The following ACCSL variants were observed in gnomAD, a reference collection of about 807,000 sequenced individuals.
The protein encoded by ACCSL is probable inactive 1-aminocyclopropane-1-carboxylate synthase-like protein 2.
In ACCSL, 55 loss-of-function variants were observed where a neutral mutation model predicts 61.7. The ratio of observed to expected loss-of-function variants is 0.89; its 90% CI spans 0.72 to 1.12. The LOEUF (loss-of-function observed/expected upper bound fraction) is 1.12, where lower values mean the gene tolerates loss of function less well. ACCSL is among the 50% of genes most tolerant of loss of function. ACCSL has a pLI of 0.00. For synonymous variants in ACCSL, 258 were observed against 264.3 expected, an observed-to-expected ratio of 0.98 and a Z score of 0.23; for missense variants, 632 against 698.0, an observed-to-expected ratio of 0.91 and a Z score of 1.07.
At chr11:43,992,276 C>T in the ACCSL span, among the ~76,000 whole-genome samples, 1 of 152,032 alleles carries the variant, frequency 6.6e-6, no homozygotes, top group Non-Finnish European at 1.5e-5. Context: ...TGGTCTCAAA[C>T]TTCTGAGCTC....
chr11:43,940,709 C>T, the ACCSL span, among the ~76,000 whole-genome samples: 1 of 149,792 alleles, frequency 6.7e-6, no homozygotes, highest in African/African-American at 2.4e-5. Context: ...GATTGTCCCC[C>T]CTTCCCATCC....
chr11:43,983,933 T>C, the ACCSL span, among the ~76,000 whole-genome samples: 20 of 152,048 alleles, frequency 1.3e-4, no homozygotes, highest in African/African-American at 4.6e-4. Context: ...CTGGCCAACA[T>C]GGTGAAACCC....
the ACCSL span, among the ~76,000 whole-genome samples, chr11:44,039,214 G>C: frequency 6.6e-6 from 1 of 152,168 alleles, no homozygotes; most frequent in East Asian, 1.9e-4. Flanking sequence ...CCTGCCCACA[G>C]CTAATGCTTC....
At chr11:43,929,861 G>A in the ACCSL span, among the ~76,000 whole-genome samples, 1 of 152,076 alleles carries the variant, frequency 6.6e-6, no homozygotes, top group African/African-American at 2.4e-5. Context: ...TGTGGGCTTT[G>A]GGCAGGTCTT....
At chr11:43,953,597 C>T in the ACCSL span, among the ~76,000 whole-genome samples, 9 of 151,472 alleles carry the variant, frequency 5.9e-5, no homozygotes, top group African/African-American at 2.2e-4. Context: ...ATGAAAGTGA[C>T]CTCTGGGTGT....
the ACCSL span, among the ~76,000 whole-genome samples, chr11:43,934,722 T>A: frequency 6.6e-6 from 1 of 152,162 alleles, no homozygotes; most frequent in African/African-American, 2.4e-5. Flanking sequence ...CCTTCCTGCC[T>A]ACCCCCCAGG....
At chr11:43,933,415 G>T in the ACCSL span, 1 of 275,952 alleles carries the variant, frequency 3.6e-6, no homozygotes, top group Non-Finnish European at 7.4e-6. Context: ...CTTGCCGCTG[G>T]CTGTGTGACC....
At chr11:44,047,647 T>A (rs1952607260), upstream of ACCSL, among the ~76,000 whole-genome samples, 1 of 152,220 alleles carries the variant, frequency 6.6e-6, no homozygotes, top group South Asian at 2.1e-4. Flanking sequence ...TGATGGTGAT[T>A]GTTTTTGAGC....
chr11:43,955,903 T>C, the ACCSL span, among the ~76,000 whole-genome samples: 939 of 151,644 alleles, frequency 6.2e-3, 8 homozygotes, highest in African/African-American at 0.021. Flanking sequence ...CAAAATTAGC[T>C]TGGCCTCGGC....
the ACCSL span, among the ~76,000 whole-genome samples, chr11:43,966,475 C>A: frequency 6.8e-6 from 1 of 147,800 alleles, no homozygotes; most frequent in African/African-American, 2.5e-5. Context: ...TATAGAGGAG[C>A]ATTATAAAAA....
the ACCSL span, among the ~76,000 whole-genome samples, chr11:43,975,795 A>G: frequency 1.9e-4 from 29 of 152,348 alleles, no homozygotes; most frequent in African/African-American, 6.7e-4. Context: ...GCCATAAAAA[A>G]GAAAGGATGA....
chr11:43,964,487 C>G, the ACCSL span, among the ~76,000 whole-genome samples: 1 of 150,838 alleles, frequency 6.6e-6, no homozygotes, highest in Non-Finnish European at 1.5e-5. Context: ...GGTTGTTTCA[C>G]TGATAGATTT....
At chr11:43,979,333 A>T in the ACCSL span, among the ~76,000 whole-genome samples, 1 of 152,126 alleles carries the variant, frequency 6.6e-6, no homozygotes, top group African/African-American at 2.4e-5. Flanking sequence ...CCCTGTCTCA[A>T]AAAAGAAAAA....
the ACCSL span, among the ~76,000 whole-genome samples, chr11:43,952,734 C>T: frequency 6.6e-6 from 1 of 152,160 alleles, no homozygotes. Context: ...CTGAAGCTCC[C>T]GGCCAAATAA....
chr11:43,992,688 G>T, the ACCSL span, among the ~76,000 whole-genome samples: 1 of 152,226 alleles, frequency 6.6e-6, no homozygotes, highest in Non-Finnish European at 1.5e-5. Flanking sequence ...GAAAGGCATT[G>T]GCAAGTGCCA....
At chr11:43,947,938 C>T in the ACCSL span, among the ~76,000 whole-genome samples, 1 of 152,156 alleles carries the variant, frequency 6.6e-6, no homozygotes, top group Admixed American at 6.5e-5. Context: ...GATTTATAGG[C>T]CTGTCCAAGG....
At chr11:44,058,971 G>A (rs1176678112) in intron 13 of ACCSL, among the ~76,000 whole-genome samples, 4 of 152,084 alleles carry the variant, frequency 2.6e-5, no homozygotes, top group African/African-American at 7.2e-5. Flanking sequence ...GGCCAGGTGC[G>A]GTGTCTTATG....
the ACCSL span, among the ~76,000 whole-genome samples, chr11:43,991,446 G>A: frequency 2.0e-5 from 3 of 152,166 alleles, no homozygotes; most frequent in African/African-American, 4.8e-5. Flanking sequence ...AAGTTTCCAT[G>A]GTTCATGCTG....
At chr11:44,038,659 G>A in the ACCSL span, among the ~76,000 whole-genome samples, 1 of 152,020 alleles carries the variant, frequency 6.6e-6, no homozygotes, top group Non-Finnish European at 1.5e-5. Context: ...TGAGAGTAGG[G>A]AGCTAGATGT....
Sources: gnomAD v4.1 joint callset for allele counts (sites outside exome capture counted in the v4.1 genomes callset) on GRCh38, gnomAD v4.1.1 for gene constraint, MANE v1.5 for transcripts, NCBI Gene and HGNC (gene_info 2026-07-23, HGNC 2026-07-21) for gene names.